NUP210: variants seen among roughly 807,000 people sequenced by gnomAD.
The protein encoded by NUP210 is nuclear pore membrane glycoprotein 210.
A neutral mutation model predicts 196.0 loss-of-function variants in NUP210; 151 were observed. That is an observed-to-expected ratio of 0.77 (90% confidence interval 0.67 to 0.88). The LOEUF is 0.88. NUP210 is among the 40% of genes least tolerant of loss of function. The pLI is 0.00. For missense variants in NUP210, 2,314 were observed against 2,493.7 expected (o/e 0.93, Z 1.53); for synonymous variants, 1,070 against 1,052.7 (o/e 1.02, Z -0.32).
chr3:13,338,592 CTCT>C (rs1697325010), intron 25 of NUP210, among the ~76,000 whole-genome samples: 1 of 152,338 alleles, frequency 6.6e-6, no homozygotes. Context: ...TCTGCTCAGT[CTCT>C]TCCTGCTAGT....
chr3:13,322,953 T>C (rs1470847695), intron 34 of NUP210, among the ~76,000 whole-genome samples: 1 of 152,144 alleles, frequency 6.6e-6, no homozygotes, highest in Non-Finnish European at 1.5e-5. Flanking sequence ...GAGAGGTCAT[T>C]ACAAAAATTA....
intron 1 of NUP210, among the ~76,000 whole-genome samples, chr3:13,403,965 G>A (rs1322790661): frequency 5.3e-5 from 8 of 152,150 alleles, no homozygotes; most frequent in Admixed American, 3.3e-4. Flanking sequence ...GCAGATCCCC[G>A]CTCCCCTGGG....
At position 13,328,833 on chromosome 3, in the gene NUP210, G is replaced by C. The variant is rs2623485; in HGVS notation, c.4224C>G (p.Phe1408Leu). ...GGAAGACATCTCCAGAGTTGTCGTG[G>C]AAGTGGACAGTGAAGGTCACGGTCA... ...LGMTVTFTVHFHDNSGDVFHA... is the reference protein window; with the variant it reads ...LGMTVTFTVHLHDNSGDVFHA... Residue 1408 changes from phenylalanine to leucine, a missense_variant, in exon 31 of 40, where the codon TTC becomes TTG. Transcript: ENST00000254508. 7 of 1,614,076 alleles carry C rather than the reference G, an allele frequency of 4.3e-6. No individual in the cohort carries two copies. The South Asian group carries it at 7.7e-5, about 18-fold the overall frequency.
chr3:13,391,102 C>T, intron 4 of NUP210, 109 bp downstream of exon 4: 2 of 739,392 alleles, frequency 2.7e-6, no homozygotes, highest in South Asian at 1.5e-5. Context: ...AGGAGTCTCC[C>T]AGACTCCTCA....
In NUP210 at chr3:13,343,211, C is replaced by A. The variant is rs184918689; in HGVS notation, c.2928G>T (p.Ser976=). The A allele has an allele frequency of 1.9e-6, 3 of 1,614,130 alleles. No individual in the cohort carries two copies. Residue 976 remains serine (S), a synonymous_variant, in exon 21 of 40, where the codon TCG becomes TCT. Coordinates refer to ENST00000254508, the MANE Select transcript of NUP210 (RefSeq NM_024923.4). ...CACGGATGTACAGCTCCTGAATGTC[C>A]GACACGTAAACGACAGCCTTGGCTG... is the stretch of plus-strand genomic sequence containing the variant. ...PAPAKAVVYV[S]DIQELYIRVV... is the part of the protein sequence containing the mutation.
intron 36 of NUP210, among the ~76,000 whole-genome samples, chr3:13,320,753 G>A (rs1696490292): frequency 1.3e-5 from 2 of 151,978 alleles, no homozygotes; most frequent in Admixed American, 1.3e-4. Flanking sequence ...TTAGCCAGGT[G>A]TGGTGGCAGG....
At chr3:13,318,390 C>A (rs1358097751) in intron 39 of NUP210, among the ~76,000 whole-genome samples, 1 of 152,184 alleles carries the variant, frequency 6.6e-6, no homozygotes, top group Non-Finnish European at 1.5e-5. Context: ...GAAAGTGCTT[C>A]TACCCACACA....
intron 26 of NUP210, 54 bp from the exon 27 acceptor site, chr3:13,336,972 C>A: frequency 2.5e-6 from 4 of 1,606,334 alleles, no homozygotes; most frequent in Non-Finnish European, 3.4e-6. Flanking sequence ...CTGGGAATGC[C>A]CCCAGAAGCT....
rs764957492 is a variant in NUP210, at chr3:13,321,803, G to A, written c.4948C>T (p.Leu1650=). ...AGGTGCTTCCGCTGCTTGTCCGTCA[G>A]CCTGTGCATTGTGATTGAGCAGAAG... ...QYFCSITMHR[L]TDKQRKHLSM... is the part of the protein sequence containing the mutation. The change falls in exon 36 of 40, where the codon CTG becomes TTG. Residue 1650 remains leucine, a synonymous_variant. Transcript: ENST00000254508. 6.2e-7 allele frequency: 1 copy of A among 1,609,290 alleles called. No individual in the cohort carries two copies.
chr3:13,384,212 C>A (rs1314741188), intron 6 of NUP210, among the ~76,000 whole-genome samples: 2 of 152,240 alleles, frequency 1.3e-5, no homozygotes, highest in Non-Finnish European at 2.9e-5. Context: ...CCGCCCGCCT[C>A]AGCCTCCCAA....
chr3:13,389,885 C>T (rs2124934032), intron 4 of NUP210, among the ~76,000 whole-genome samples: 1 of 152,268 alleles, frequency 6.6e-6, no homozygotes, highest in South Asian at 2.1e-4. Context: ...CGTTCGGACC[C>T]TGGCCGTGAG....
intron 2 of NUP210, among the ~76,000 whole-genome samples, chr3:13,398,461 G>T (rs1273048652): frequency 6.6e-6 from 1 of 152,088 alleles, no homozygotes; most frequent in Non-Finnish European, 1.5e-5. Flanking sequence ...ATTCAAAGCT[G>T]TGGCCCAGAA....
chr3:13,418,617 G>A (rs765578568), intron 1 of NUP210, among the ~76,000 whole-genome samples: 25 of 151,992 alleles, frequency 1.6e-4, no homozygotes, highest in Non-Finnish European at 3.4e-4. Flanking sequence ...GTGAAACCCC[G>A]TCTCTACTAA....
intron 4 of NUP210, among the ~76,000 whole-genome samples, chr3:13,388,789 C>T (rs937189056): frequency 5.9e-5 from 9 of 152,224 alleles, no homozygotes; most frequent in East Asian, 5.8e-4. Flanking sequence ...CAGTGAGGCC[C>T]GGGAGATGAG....
chr3:13,418,740 A>G (rs929685970), intron 1 of NUP210, among the ~76,000 whole-genome samples: 4 of 152,090 alleles, frequency 2.6e-5, no homozygotes, highest in Middle Eastern at 3.4e-3. Flanking sequence ...GTGGACAGAG[A>G]TCGCGCCATT....
At chr3:13,329,730 A>C (rs911531031) in intron 30 of NUP210, among the ~76,000 whole-genome samples, 1 of 152,208 alleles carries the variant, frequency 6.6e-6, no homozygotes, top group Non-Finnish European at 1.5e-5. Context: ...GGGTTCAGCA[A>C]GTGGTGATGA....
rs924336905 is a variant in NUP210, at chr3:13,370,420, G to A, written c.1786+1414C>T. 6.6e-5 allele frequency among the ~76,000 whole-genome samples: 10 copies of A among 152,166 alleles called. No homozygotes were observed. In the East Asian group the frequency reaches 1.7e-3, roughly 26 times the overall value. The stretch of plus-strand genomic sequence containing the variant: ...AGAACCCAAGGCTCAGAGAGGCTAG[G>A]CAGCACACCAGCATCATACAGCCAG... On this transcript the variant is annotated intron_variant, in intron 13 of 39. Coordinates refer to ENST00000254508, the MANE Select transcript of NUP210 (RefSeq NM_024923.4).
At chr3:13,399,370 T>G (rs1699764097) in intron 2 of NUP210, among the ~76,000 whole-genome samples, 1 of 152,036 alleles carries the variant, frequency 6.6e-6, no homozygotes, top group South Asian at 2.1e-4. Context: ...GTTGTCAAAC[T>G]ATTTTACAAC....
intron 20 of NUP210, among the ~76,000 whole-genome samples, chr3:13,345,357 C>T (rs746961732): frequency 1.1e-4 from 16 of 152,216 alleles, no homozygotes; most frequent in Middle Eastern, 3.2e-3. Flanking sequence ...TTTGAAAAGG[C>T]AGAGCTGGGG....
Sources: allele counts gnomAD v4.1 joint callset (sites outside exome capture counted in the v4.1 genomes callset), GRCh38; gene constraint gnomAD v4.1.1; transcripts MANE v1.5; gene names NCBI Gene and HGNC (gene_info 2026-07-23, HGNC 2026-07-21).